The following TMC7 variants were observed in gnomAD, a reference collection of about 807,000 sequenced individuals.
TMC7 encodes transmembrane channel-like protein 7.
TMC7 carries 54 observed loss-of-function variants against 82.9 expected under a neutral mutation model. The observed-to-expected ratio is 0.65, with a 90% CI of 0.52 to 0.82. The LOEUF (loss-of-function observed/expected upper bound fraction) is 0.82, where lower values mean the gene tolerates loss of function less well. Among genes scored for constraint, TMC7 ranks in the 40% least tolerant of loss-of-function variants. The probability of loss-of-function intolerance (pLI) is 0.00; values close to 1 mark genes in which losing one functional copy is unlikely to be tolerated. For synonymous variants in TMC7, 350 were observed against 337.9 expected, an observed-to-expected ratio of 1.04 and a Z score of -0.39; for missense variants, 820 against 901.2, an observed-to-expected ratio of 0.91 and a Z score of 1.15.
At chr16:18,984,546 A>G in intron 1 of TMC7, 1 of 1,006,922 alleles carries the variant, frequency 9.9e-7, no homozygotes, top group South Asian at 4.5e-5. Flanking sequence ...TTGAAACCGA[A>G]TTCTGCCTTG....
intron 6 of TMC7, among the ~76,000 whole-genome samples, chr16:19,031,357 C>G (rs549035118): frequency 6.6e-6 from 1 of 152,256 alleles, no homozygotes; most frequent in East Asian, 1.9e-4. Flanking sequence ...CAGCTGTGGC[C>G]AGGGGCTGGG....
At chr16:19,046,289 C>A (rs191269104) in intron 11 of TMC7, among the ~76,000 whole-genome samples, 1 of 152,156 alleles carries the variant, frequency 6.6e-6, no homozygotes, top group Non-Finnish European at 1.5e-5. Flanking sequence ...CCTATTTTCT[C>A]ATCTGTAAAA....
At chr16:19,011,741 A>T (rs1333528233) in intron 2 of TMC7, among the ~76,000 whole-genome samples, 1 of 152,024 alleles carries the variant, frequency 6.6e-6, no homozygotes, top group South Asian at 2.1e-4. Context: ...GCAAAACAAA[A>T]TAACACATTG....
At chr16:19,043,532 A>G (rs1961118856) in intron 9 of TMC7, among the ~76,000 whole-genome samples, 1 of 152,104 alleles carries the variant, frequency 6.6e-6, no homozygotes. Context: ...CAGCCCCAAC[A>G]GAAATTCTGT....
At chr16:18,988,994 A>G (rs2038901837) in intron 1 of TMC7, among the ~76,000 whole-genome samples, 1 of 151,620 alleles carries the variant, frequency 6.6e-6, no homozygotes, top group Non-Finnish European at 1.5e-5. Context: ...GGTTGCTTGC[A>G]GTGAGCCAAG....
At chr16:19,005,372 G>C (rs2039221544) in intron 1 of TMC7, among the ~76,000 whole-genome samples, 1 of 152,192 alleles carries the variant, frequency 6.6e-6, no homozygotes, top group Admixed American at 6.5e-5. Flanking sequence ...ACAGGCGTGA[G>C]CCACCACGCC....
At chr16:18,987,703 A>AG (rs2038877290) in intron 1 of TMC7, among the ~76,000 whole-genome samples, 1 of 152,176 alleles carries the variant, frequency 6.6e-6, no homozygotes, top group East Asian at 1.9e-4. Flanking sequence ...AGCAGATGCT[A>AG]CATCTATTGT....
At chr16:18,999,355 A>G (rs1247848926) in intron 1 of TMC7, among the ~76,000 whole-genome samples, 1 of 152,238 alleles carries the variant, frequency 6.6e-6, no homozygotes, top group Non-Finnish European at 1.5e-5. Flanking sequence ...TGTATTGGAC[A>G]GTGCAGATAT....
chr16:19,052,573 A>G (rs1961587297), intron 13 of TMC7, among the ~76,000 whole-genome samples: 1 of 152,144 alleles, frequency 6.6e-6, no homozygotes, highest in Non-Finnish European at 1.5e-5. Context: ...ACACTTTGGG[A>G]GGCCCAGGTG....
chr16:19,059,368 C>T, intron 14 of TMC7, 48 bp from the exon 15 acceptor site: 2 of 1,593,888 alleles, frequency 1.3e-6, no homozygotes, highest in Admixed American at 1.7e-5. Context: ...TTCTATTGGC[C>T]TTCAGATGAT....
chr16:19,035,926 T>C, intron 7 of TMC7, 103 bp downstream of exon 7: 8 of 1,323,814 alleles, frequency 6.0e-6, no homozygotes, highest in African/African-American at 1.5e-5. Context: ...CGGGGACAGG[T>C]TGTCCCTGGT....
chr16:19,046,614 C>T (rs564757946), intron 11 of TMC7, among the ~76,000 whole-genome samples: 1 of 152,162 alleles, frequency 6.6e-6, no homozygotes, highest in South Asian at 2.1e-4. Flanking sequence ...GTAGGAGGAT[C>T]ACTTGAGGCC....
chr16:19,014,431 T>G (rs563607773), intron 2 of TMC7, among the ~76,000 whole-genome samples: 1 of 152,308 alleles, frequency 6.6e-6, no homozygotes, highest in South Asian at 2.1e-4. Flanking sequence ...AGGAACCCAA[T>G]GCACAGCACT....
At chr16:18,997,129 C>T (rs367755067) in intron 1 of TMC7, among the ~76,000 whole-genome samples, 11 of 152,314 alleles carry the variant, frequency 7.2e-5, no homozygotes, top group Admixed American at 2.6e-4. Context: ...GATCTCCTCA[C>T]GGAGTGAGGG....
chr16:19,029,164 C>T (rs1238799889), intron 5 of TMC7, among the ~76,000 whole-genome samples: 1 of 151,382 alleles, frequency 6.6e-6, no homozygotes, highest in African/African-American at 2.4e-5. Context: ...CGCCACCACA[C>T]CCGGCTAATT....
chr16:19,006,316 C>G (rs190301280), intron 1 of TMC7, among the ~76,000 whole-genome samples: 23 of 151,878 alleles, frequency 1.5e-4, no homozygotes, highest in Non-Finnish European at 2.8e-4. Context: ...TCCTAAATAG[C>G]TGGGATTACA....
intron 12 of TMC7, among the ~76,000 whole-genome samples, chr16:19,047,828 C>T (rs1353577048): frequency 1.3e-5 from 2 of 151,218 alleles, no homozygotes; most frequent in Admixed American, 6.6e-5. Flanking sequence ...ATTCTCCTGC[C>T]TCAGCATCCT....
chr16:19,021,237 G>A (rs1372753118), intron 3 of TMC7, among the ~76,000 whole-genome samples: 3 of 152,204 alleles, frequency 2.0e-5, no homozygotes, highest in Admixed American at 2.0e-4. Context: ...AGACAGTCTA[G>A]CATTGGTGTA....
chr16:19,033,385 T>C (rs1960604941), intron 6 of TMC7: 1 of 152,156 alleles, frequency 6.6e-6, no homozygotes, highest in Non-Finnish European at 1.5e-5. Flanking sequence ...TTCTCATCTG[T>C]AAAATGTAGT....
Sources: gnomAD v4.1 joint callset for allele counts (sites outside exome capture counted in the v4.1 genomes callset) on GRCh38, gnomAD v4.1.1 for gene constraint, MANE v1.5 for transcripts, NCBI Gene and HGNC (gene_info 2026-07-23, HGNC 2026-07-21) for gene names.